SIK3: variants seen among roughly 807,000 people sequenced by gnomAD.
SIK3 encodes SIK family kinase 3.
In SIK3, 28 loss-of-function variants were observed where a neutral mutation model predicts 144.2. The observed-to-expected ratio is 0.19, with a 90% CI of 0.14 to 0.27. The LOEUF is 0.27. Ranked by LOEUF, SIK3 falls within the 10% of genes least tolerant of loss-of-function variation. The pLI is 1.00. For missense variants in SIK3, 1,319 were observed against 1,776.0 expected, an observed-to-expected ratio of 0.74 and a Z score of 4.62; for synonymous variants, 686 against 676.3, an observed-to-expected ratio of 1.01 and a Z score of -0.22.
At position 116,947,975 on chromosome 11, in the gene SIK3, C is replaced by T. The variant is rs533762861; in HGVS notation, c.454+6069G>A. ...TTTGAGACAGGGTCTCACTCTGTTG[C>T]CCAGACTGGAGTGCAGTGGTGCAAT... is the stretch of plus-strand genomic sequence containing the variant. On this transcript the variant is annotated intron_variant, in intron 3 of 24. Coordinates refer to ENST00000445177, the MANE Select transcript of SIK3 (RefSeq NM_001366686.3). Among the ~76,000 whole-genome samples the T allele has an allele frequency of 2.0e-3, 298 of 147,244 alleles. 3 individuals are homozygous for T. Among genetic ancestry groups the T allele is most frequent in the African/African-American group, 7.1e-3 (277 of 39,212 alleles).
At chr11:116,915,124 A>ATGTGTGTG (rs35059138) in intron 4 of SIK3, among the ~76,000 whole-genome samples, 4,335 of 129,876 alleles carry the variant, frequency 0.033, 122 homozygotes, top group South Asian at 0.052. Flanking sequence ...GAAGCCATAT[A>ATGTGTGTG]TGTGTGTGTG....
Position 116,859,293 on chromosome 11 carries a change from G to A in SIK3, c.2737C>T (p.Leu913=). Reference sequence around the variant, plus strand: ...TGAGCCTCTGCACTGTCAGCACTCAGCTGCTTGGACAAGGGACGGTGCCCA... The same window carrying A: ...TGAGCCTCTGCACTGTCAGCACTCAACTGCTTGGACAAGGGACGGTGCCCA... ...SYGHRPLSKQ[L]SADSAEAHSL... The change falls in exon 20 of 25, where the codon CTG becomes TTG. Residue 913 remains leucine (L), a synonymous_variant. Transcript: ENST00000445177. 1 of 1,611,646 alleles carries A rather than the reference G, an allele frequency of 6.2e-7. No homozygotes were observed. Among genetic ancestry groups the A allele is most frequent in the Admixed American group, 1.7e-5 (1 of 59,974 alleles).
intron 13 of SIK3, 22 bp downstream of exon 13, chr11:116,873,459 T>C: frequency 6.2e-7 from 1 of 1,614,074 alleles, no homozygotes; most frequent in Non-Finnish European, 8.5e-7. Context: ...GACAGTGAAT[T>C]GGGCTCTGTG....
At chr11:117,095,173 G>C (rs933686049) in intron 1 of SIK3, among the ~76,000 whole-genome samples, 4 of 132,716 alleles carry the variant, frequency 3.0e-5, no homozygotes, top group Non-Finnish European at 6.2e-5. Flanking sequence ...CTTAGTTCTT[G>C]GAATGGGTCA....
intron 1 of SIK3, among the ~76,000 whole-genome samples, chr11:116,963,203 C>T (rs1038793973): frequency 6.6e-6 from 1 of 152,202 alleles, no homozygotes; most frequent in African/African-American, 2.4e-5. Context: ...GTCTATTGAG[C>T]AACTGACTGG....
intron 2 of SIK3, among the ~76,000 whole-genome samples, chr11:116,954,595 C>A (rs1326635800): frequency 6.6e-6 from 1 of 151,918 alleles, no homozygotes; most frequent in Non-Finnish European, 1.5e-5. Context: ...ACTTTCCTTT[C>A]CACTGCCCAT....
chr11:116,849,463 G>A lies in SIK3; in HGVS notation c.3656-180C>T, dbSNP rs536526830. On this transcript the variant is annotated intron_variant, in intron 21 of 24. Coordinates refer to ENST00000445177, the MANE Select transcript of SIK3 (RefSeq NM_001366686.3). The surrounding 1 kb of genome is among the most constrained non-coding windows in gnomAD (Gnocchi z 4.2). ...AGCCTGGACCAGCCCTCCAAAAGAC[G>A]AGCTGTAGGGGAGGGGACCACACCC... Among the ~76,000 whole-genome samples the A allele has an allele frequency of 7.2e-5, 11 of 152,262 alleles. No individual in the cohort carries two copies. The highest frequency in any genetic ancestry group is 1.9e-4 in the East Asian group (1 of 5,186).
At chr11:116,875,617 T>C (rs1287027161) in intron 9 of SIK3, 166 bp from the exon 10 acceptor site, 2 of 805,012 alleles carry the variant, frequency 2.5e-6, no homozygotes, top group East Asian at 2.7e-5. Context: ...GTGAAGAGGA[T>C]AGCATCGCCT....
chr11:116,881,055 C>A (rs896453110), intron 6 of SIK3, among the ~76,000 whole-genome samples: 3 of 151,998 alleles, frequency 2.0e-5, no homozygotes, highest in Non-Finnish European at 4.4e-5. Flanking sequence ...ACCTGGGAGG[C>A]GGAGCTTGCA....
intron 3 of SIK3, among the ~76,000 whole-genome samples, chr11:116,948,673 A>G (rs1036314955): frequency 3.3e-5 from 5 of 152,010 alleles, no homozygotes; most frequent in Non-Finnish European, 5.9e-5. Context: ...TCTCTCGTCA[A>G]TCTAGCTAAA....
At chr11:116,871,247 C>A (rs1209928118) in intron 13 of SIK3, among the ~76,000 whole-genome samples, 1 of 152,170 alleles carries the variant, frequency 6.6e-6, no homozygotes, top group African/African-American at 2.4e-5. Context: ...AAAAATCACA[C>A]TTCAATTATT....
intron 1 of SIK3, among the ~76,000 whole-genome samples, chr11:116,957,732 A>G (rs1949192769): frequency 6.6e-6 from 1 of 152,196 alleles, no homozygotes; most frequent in Admixed American, 6.5e-5. Context: ...AAACTGAGGC[A>G]CACAGAGATT....
chr11:117,029,677 A>C (rs569474929), intron 1 of SIK3, among the ~76,000 whole-genome samples: 24 of 152,240 alleles, frequency 1.6e-4, no homozygotes, highest in African/African-American at 5.5e-4. Context: ...GTGGTACACA[A>C]AATTCAAGGA....
intron 1 of SIK3, among the ~76,000 whole-genome samples, chr11:117,056,070 G>T (rs1953503432): frequency 6.6e-6 from 1 of 152,216 alleles, no homozygotes; most frequent in Admixed American, 6.5e-5. Flanking sequence ...TGTGCTACAG[G>T]ATGAGGAGAC....
intron 1 of SIK3, among the ~76,000 whole-genome samples, chr11:116,967,268 T>C (rs1485575402): frequency 6.6e-6 from 1 of 152,216 alleles, no homozygotes; most frequent in African/African-American, 2.4e-5. Context: ...GCCTGTGTAC[T>C]GTTAAGCACA....
chr11:116,968,211 C>T (rs979200578), intron 1 of SIK3, among the ~76,000 whole-genome samples: 1 of 152,150 alleles, frequency 6.6e-6, no homozygotes, highest in Non-Finnish European at 1.5e-5. Flanking sequence ...GGCGCCATCT[C>T]GGCTCACTGC....
At chr11:117,059,122 TAC>T (rs1422201536) in intron 1 of SIK3, among the ~76,000 whole-genome samples, 1 of 152,192 alleles carries the variant, frequency 6.6e-6, no homozygotes, top group Admixed American at 6.5e-5. Context: ...GAGAAAAATT[TAC>T]AGATTTGTAA....
chr11:116,949,307 A>T (rs12421834), intron 3 of SIK3, among the ~76,000 whole-genome samples: 1 of 152,148 alleles, frequency 6.6e-6, no homozygotes, highest in Non-Finnish European at 1.5e-5. Flanking sequence ...GTATGCCTAC[A>T]GTTAGTTACC....
rs1459429079 is a variant in SIK3 at position 116,861,274 on chromosome 11, C to T, written c.2425G>A (p.Gly809Arg). ...PMSSAMIQPHGAASSSQFQGL... is the reference protein window; with the variant it reads ...PMSSAMIQPHRAASSSQFQGL... ...GTTTGGTCTGAACCTCTCCACTCAC[C>T]GTGAGGCTGGATCATGGCACTGCTC... Residue 809 changes from glycine to arginine, a missense_variant and splice_region_variant, in exon 19 of 25, where the codon GGG (glycine) becomes AGG (arginine). Around this residue, in one of 8 missense-constraint regions of SIK3, gnomAD observed 646 missense variants for 763.7 expected, o/e 0.85. Transcript: ENST00000445177. 1.3e-6 allele frequency: 2 copies of T among 1,587,848 alleles called. No homozygotes were observed. The highest frequency in any genetic ancestry group is 1.7e-6 in the Non-Finnish European group (2 of 1,169,312).
Sources: gnomAD v4.1 joint callset for allele counts (sites outside exome capture counted in the v4.1 genomes callset) on GRCh38, gnomAD v4.1.1 for gene constraint, gnomAD v4.1.1 regional missense constraint, Gnocchi (gnomAD v3.1) non-coding constraint, MANE v1.5 for transcripts, NCBI Gene and HGNC (gene_info 2026-07-23, HGNC 2026-07-21) for gene names.